MARCHF10: variants seen among roughly 807,000 people sequenced by gnomAD.
The protein encoded by MARCHF10 is probable E3 ubiquitin-protein ligase MARCHF10.
MARCHF10 carries 64 observed loss-of-function variants against 76.2 expected under a neutral mutation model. The observed-to-expected ratio is 0.84, with a 90% CI of 0.69 to 1.03. The LOEUF is 1.03. Among genes scored for constraint, MARCHF10 ranks in the 50% least tolerant of loss-of-function variants. MARCHF10 has a pLI of 0.00. For synonymous variants in MARCHF10, 340 were observed against 357.5 expected (o/e 0.95, Z 0.55); for missense variants, 875 against 958.0 (o/e 0.91, Z 1.14).
At chr17:62,749,754 G>C (rs1437613334) in intron 4 of MARCHF10, among the ~76,000 whole-genome samples, 1 of 152,220 alleles carries the variant, frequency 6.6e-6, no homozygotes, top group Non-Finnish European at 1.5e-5. Flanking sequence ...CATCGGCTGA[G>C]CCTTTTCATT....
At chr17:62,703,501 G>A (rs973098511) in intron 10 of MARCHF10, 1 of 152,582 alleles carries the variant, frequency 6.6e-6, no homozygotes, top group African/African-American at 2.4e-5. Flanking sequence ...AGCACCCCAG[G>A]ATGGTCCCTC....
Position 62,805,908 on chromosome 17 carries a change from T to TAA in MARCHF10, c.-18+2167_-18+2168dup, listed in dbSNP as rs55879760. On this transcript the variant is annotated intron_variant, in intron 1 of 10. Coordinates refer to ENST00000311269, the MANE Select transcript of MARCHF10 (RefSeq NM_152598.4). ...GAGAGAGACTCCATCCCCTCAAAAA[T>TAA]AAAAAAAAATAATAATAATAATAAT... Among the ~76,000 whole-genome samples, 19 of 125,460 alleles carry TAA rather than the reference T, an allele frequency of 1.5e-4. No homozygotes were observed. The South Asian group carries it at 3.5e-3, about 23-fold the overall frequency. 82.3% of individuals were successfully genotyped at this position (125,460 alleles called of 152,430 possible).
intron 5 of MARCHF10, among the ~76,000 whole-genome samples, chr17:62,743,915 G>A (rs78727346): frequency 6.6e-6 from 1 of 152,274 alleles, no homozygotes; most frequent in Non-Finnish European, 1.5e-5. Context: ...GCTGGGAGGT[G>A]AGCAGCCTGT....
chr17:62,723,775 T>A (rs1338859676), intron 7 of MARCHF10, among the ~76,000 whole-genome samples: 2 of 151,888 alleles, frequency 1.3e-5, no homozygotes, highest in Non-Finnish European at 2.9e-5. Flanking sequence ...CATGGCAGAG[T>A]CGTTAGCAAC....
At chr17:62,786,979 G>C (rs1408086825) in intron 3 of MARCHF10, among the ~76,000 whole-genome samples, 1 of 152,126 alleles carries the variant, frequency 6.6e-6, no homozygotes, top group Non-Finnish European at 1.5e-5. Flanking sequence ...TCTTATTTCT[G>C]AGTGTAAAAA....
At chr17:62,722,381 C>T in intron 8 of MARCHF10, 107 bp downstream of exon 8, 1 of 736,102 alleles carries the variant, frequency 1.4e-6, no homozygotes, top group South Asian at 1.8e-5. Flanking sequence ...CAGACTCCTG[C>T]CAGCAGAGAC....
intron 6 of MARCHF10, 186 bp downstream of exon 6, chr17:62,735,745 T>C: frequency 1.7e-6 from 1 of 595,454 alleles, no homozygotes; most frequent in South Asian, 2.4e-5. Flanking sequence ...ACACCAGACT[T>C]TTCTTTATAA....
Position 62,705,643 on chromosome 17 carries a change from A to G in MARCHF10, c.2329-62T>C, listed in dbSNP as rs933047290. Reference sequence around the variant, plus strand: ...TTCCAATACGATTGTGAACAGATGTATAACCTCCTAGTCGCAGCAACGTTC... The same window carrying G: ...TTCCAATACGATTGTGAACAGATGTGTAACCTCCTAGTCGCAGCAACGTTC... On this transcript the variant is annotated intron_variant, in intron 9 of 10. Transcript: ENST00000311269. 4 of 1,595,872 alleles carry G rather than the reference A, an allele frequency of 2.5e-6. No homozygotes were observed. The African/African-American group carries it at 4.0e-5, about 16-fold the overall frequency.
rs760955905 is a variant in MARCHF10, at chr17:62,737,208, T to C, written c.660A>G (p.Lys220=). 4.3e-6 allele frequency: 7 copies of C among 1,613,830 alleles called. No homozygotes were observed. The highest frequency in any genetic ancestry group is 2.2e-5 in the South Asian group (2 of 91,040). Residue 220 remains lysine, a synonymous_variant, in exon 6 of 11, where the codon AAA becomes AAG. Coordinates refer to ENST00000311269, the MANE Select transcript of MARCHF10 (RefSeq NM_152598.4). ...MTENAPDRAK[K]GDPSAPSQSE... ...TCTGGGAAGGAGCACTCGGGTCTCC[T>C]TTTTTGGCTCTATCAGGGGCGTTCT...
At chr17:62,796,597 C>T (rs989149562) in intron 2 of MARCHF10, among the ~76,000 whole-genome samples, 5 of 152,206 alleles carry the variant, frequency 3.3e-5, no homozygotes, top group Non-Finnish European at 7.3e-5. Context: ...GCAACACAGG[C>T]TTTCATGAAT....
chr17:62,768,641 A>T (rs941075661), intron 3 of MARCHF10, among the ~76,000 whole-genome samples: 1 of 152,248 alleles, frequency 6.6e-6, no homozygotes, highest in African/African-American at 2.4e-5. Context: ...TTGAAAGAAT[A>T]GTACAAATCA....
At chr17:62,708,788 A>C (rs943722431) in intron 9 of MARCHF10, among the ~76,000 whole-genome samples, 10 of 152,224 alleles carry the variant, frequency 6.6e-5, no homozygotes, top group Non-Finnish European at 1.2e-4. Flanking sequence ...CATGGTCAGC[A>C]GTCAGATGTG....
At chr17:62,741,684 C>A (rs1011577043) in intron 5 of MARCHF10, among the ~76,000 whole-genome samples, 1 of 152,016 alleles carries the variant, frequency 6.6e-6, no homozygotes, top group African/African-American at 2.4e-5. Context: ...TGTTTATTAG[C>A]CATCTGTATT....
chr17:62,786,458 C>G (rs1392380413), intron 3 of MARCHF10, among the ~76,000 whole-genome samples: 1 of 152,090 alleles, frequency 6.6e-6, no homozygotes, highest in Non-Finnish European at 1.5e-5. Context: ...GTGCAGCAAA[C>G]CAACGTGGCA....
intron 2 of MARCHF10, among the ~76,000 whole-genome samples, chr17:62,792,406 A>G (rs978124249): frequency 5.9e-5 from 9 of 151,994 alleles, no homozygotes; most frequent in Non-Finnish European, 1.3e-4. Flanking sequence ...GTTAACATCA[A>G]CAAGGCATAC....
At position 62,760,027 on chromosome 17, in the gene MARCHF10, C is replaced by G. The variant is rs1350147966; in HGVS notation, c.211-21G>C. ...GAACTCTACCAAAAATGAAATACGT[C>G]TGAGTCTCAGTGGCCAAGTAGGTCA... is the stretch of plus-strand genomic sequence containing the variant. On this transcript the variant is annotated intron_variant, in intron 3 of 10. Transcript: ENST00000311269. The G allele has an allele frequency of 5.0e-6, 8 of 1,607,640 alleles. No homozygotes were observed. The East Asian group carries it at 1.8e-4, about 36-fold the overall frequency.
chr17:62,734,126 G>A (rs928941777), intron 6 of MARCHF10, among the ~76,000 whole-genome samples: 1 of 152,136 alleles, frequency 6.6e-6, no homozygotes, highest in Non-Finnish European at 1.5e-5. Flanking sequence ...GGAGGTTGCA[G>A]TGAGTCGCGA....
At chr17:62,742,784 G>C (rs992337699) in intron 5 of MARCHF10, among the ~76,000 whole-genome samples, 1 of 151,086 alleles carries the variant, frequency 6.6e-6, no homozygotes, top group Non-Finnish European at 1.5e-5. Flanking sequence ...CTGCAGCCTC[G>C]ATGTCCTGAG....
intron 1 of MARCHF10, among the ~76,000 whole-genome samples, chr17:62,804,069 C>T (rs934135845): frequency 1.3e-5 from 2 of 152,152 alleles, no homozygotes; most frequent in African/African-American, 4.8e-5. Context: ...TCAAGGGATG[C>T]TCAGGACAGA....
Sources: gnomAD v4.1 joint callset for allele counts (sites outside exome capture counted in the v4.1 genomes callset) on GRCh38, gnomAD v4.1.1 for gene constraint, MANE v1.5 for transcripts, NCBI Gene and HGNC (gene_info 2026-07-23, HGNC 2026-07-21) for gene names.